Variants in DMD observed in about 807,000 individuals in gnomAD.
DMD encodes the protein mutant dystrophin.
In DMD, 63 loss-of-function variants were observed where a neutral mutation model predicts 330.1. The ratio of observed to expected loss-of-function variants is 0.19; its 90% CI spans 0.16 to 0.24. The LOEUF is 0.24. DMD is among the 10% of genes least tolerant of loss of function. DMD has a pLI of 1.00. For missense variants in DMD, 3,344 were observed against 2,684.1 expected (o/e 1.25, Z -5.43); for synonymous variants, 1,223 against 959.8 (o/e 1.27, Z -5.07).
chrX:32,240,991 A>G (rs2097206369), intron 43 of DMD, among the ~76,000 whole-genome samples: 1 of 112,153 alleles, frequency 8.9e-6, no homozygotes. Flanking sequence ...GGGATCCTGA[A>G]AAACAAATTG....
At chrX:32,141,741 T>G (rs924253020) in intron 44 of DMD, among the ~76,000 whole-genome samples, 1 of 105,334 alleles carries the variant, frequency 9.5e-6, no homozygotes, top group Admixed American at 1.0e-4. Flanking sequence ...GCATGGTTTC[T>G]CAAATAATAG....
intron 77 of DMD, among the ~76,000 whole-genome samples, chrX:31,133,130 AC>A (rs764373962): frequency 1.8e-5 from 2 of 111,166 alleles, no homozygotes; most frequent in African/African-American, 6.5e-5. Context: ...TACTCAATAC[AC>A]CCTCCTCATT....
At chrX:32,826,983 A>T (rs1225277141) in intron 4 of DMD, among the ~76,000 whole-genome samples, 6 of 109,664 alleles carry the variant, frequency 5.5e-5, no homozygotes, top group Non-Finnish European at 9.5e-5. Flanking sequence ...AAAATAAAAA[A>T]TAGTTATATG....
chrX:32,545,621 A>T (rs749582713), intron 16 of DMD, among the ~76,000 whole-genome samples: 1 of 111,537 alleles, frequency 9.0e-6, no homozygotes, highest in East Asian at 2.8e-4. Context: ...GAGGAGAAAA[A>T]TGTAGAGTAT....
chrX:31,259,392 C>T (rs1043816775), intron 63 of DMD, among the ~76,000 whole-genome samples: 8 of 111,886 alleles, frequency 7.2e-5, no homozygotes, highest in Non-Finnish European at 1.5e-4. Context: ...CTGCCCACTT[C>T]AGATGAAGCC....
intron 60 of DMD, among the ~76,000 whole-genome samples, chrX:31,362,430 T>C (rs761906432): frequency 8.9e-6 from 1 of 112,336 alleles, no homozygotes; most frequent in African/African-American, 3.2e-5. Context: ...CTTCAGGGTA[T>C]GTGTATAAGG....
chrX:32,436,001 T>C (rs1266448673), intron 29 of DMD, among the ~76,000 whole-genome samples: 1 of 112,041 alleles, frequency 8.9e-6, no homozygotes, highest in Non-Finnish European at 1.9e-5. Context: ...TTCCCCACCA[T>C]AGGCTACTTC....
chrX:32,550,756 A>C (rs916083772), intron 16 of DMD, among the ~76,000 whole-genome samples: 4 of 110,986 alleles, frequency 3.6e-5, no homozygotes, highest in Non-Finnish European at 7.5e-5. Flanking sequence ...AAAGAAAAAA[A>C]GAGAGAAGAC....
chrX:32,663,592 A>G (rs61534337), intron 9 of DMD, among the ~76,000 whole-genome samples: 3,061 of 111,485 alleles, frequency 0.027, 106 homozygotes, highest in African/African-American at 0.094. Flanking sequence ...TGCTTTAACA[A>G]ATATTTATTA....
intron 9 of DMD, among the ~76,000 whole-genome samples, chrX:32,652,538 G>A (rs894387000): frequency 9.1e-6 from 1 of 110,244 alleles, no homozygotes; most frequent in Non-Finnish European, 1.9e-5. Flanking sequence ...GTCTATCATC[G>A]ATGGACATTT....
chrX:32,734,285 CAA>C, intron 7 of DMD, among the ~76,000 whole-genome samples: 1 of 92,420 alleles, frequency 1.1e-5, no homozygotes, highest in African/African-American at 5.0e-5. Context: ...GCTTACCAAC[CAA>C]AAAGAGTCCA....
intron 2 of DMD, among the ~76,000 whole-genome samples, chrX:33,009,416 ATG>A (rs2093551751): frequency 1.1e-5 from 1 of 88,175 alleles, no homozygotes; most frequent in African/African-American, 4.3e-5. Context: ...GTATATACAC[ATG>A]TGTGTATATG....
intron 1 of DMD, among the ~76,000 whole-genome samples, chrX:33,264,597 C>T (rs1042129704): frequency 1.8e-5 from 2 of 110,844 alleles, no homozygotes; most frequent in African/African-American, 6.6e-5. Context: ...ACCCTAGGGA[C>T]AAAATAAAGT....
At chrX:32,792,107 A>C (rs910118187) in intron 7 of DMD, among the ~76,000 whole-genome samples, 2 of 111,750 alleles carry the variant, frequency 1.8e-5, no homozygotes, top group African/African-American at 3.3e-5. Flanking sequence ...GAAAGAAAAC[A>C]ACCACCAGCC....
At chrX:32,281,404 A>G (rs781699903) in intron 43 of DMD, among the ~76,000 whole-genome samples, 1 of 112,367 alleles carries the variant, frequency 8.9e-6, no homozygotes, top group African/African-American at 3.2e-5. Flanking sequence ...CTTAAAGTAC[A>G]TATTTATTAT....
At chrX:32,990,669 G>C (rs1030106736) in intron 2 of DMD, among the ~76,000 whole-genome samples, 6 of 111,501 alleles carry the variant, frequency 5.4e-5, no homozygotes, top group Admixed American at 4.8e-4. Context: ...CCTGAACTGT[G>C]ATCAAATCAT....
At chrX:33,274,239 C>T (rs886460898) in intron 1 of DMD, among the ~76,000 whole-genome samples, 3 of 111,980 alleles carry the variant, frequency 2.7e-5, no homozygotes, top group Non-Finnish European at 5.6e-5. Context: ...TTCTTAAACA[C>T]ATATTTTCTT....
intron 47 of DMD, among the ~76,000 whole-genome samples, chrX:31,902,078 T>A (rs186523660): frequency 1.8e-5 from 2 of 111,916 alleles, no homozygotes; most frequent in African/African-American, 6.5e-5. Flanking sequence ...AATGTTCAAT[T>A]ATTTATGGAA....
chrX:32,314,657 T>A (rs369541044), intron 41 of DMD, among the ~76,000 whole-genome samples: 10 of 111,161 alleles, frequency 9.0e-5, no homozygotes, highest in African/African-American at 2.9e-4. Context: ...CAAAGGGCTA[T>A]TATCCAGAAT....
Sources: gnomAD v4.1 joint callset for allele counts (sites outside exome capture counted in the v4.1 genomes callset) on GRCh38, gnomAD v4.1.1 for gene constraint, MANE v1.5 for transcripts, NCBI Gene and HGNC (gene_info 2026-07-23, HGNC 2026-07-21) for gene names.